Variants in ITGBL1 observed in about 807,000 individuals in gnomAD.
ITGBL1 encodes integrin subunit beta like 1, also known as integrin beta-like protein 1.
In ITGBL1, 51 loss-of-function variants were observed where a neutral mutation model predicts 68.5. The ratio of observed to expected loss-of-function variants is 0.74; its 90% confidence interval spans 0.59 to 0.94. The LOEUF (loss-of-function observed/expected upper bound fraction) is 0.94, where lower values mean the gene tolerates loss of function less well. Ranked by LOEUF, ITGBL1 falls within the 40% of genes least tolerant of loss-of-function variation. The pLI, the probability that ITGBL1 is intolerant of heterozygous loss-of-function variation, is 0.00. For missense variants in ITGBL1, 649 were observed against 647.4 expected, an observed-to-expected ratio of 1.00 and a Z score of -0.03; for synonymous variants, 209 against 227.3, an observed-to-expected ratio of 0.92 and a Z score of 0.72.
At chr13:101,649,322 A>G (rs1375678437) in intron 7 of ITGBL1, among the ~76,000 whole-genome samples, 1 of 152,172 alleles carries the variant, frequency 6.6e-6, no homozygotes, top group Non-Finnish European at 1.5e-5. Context: ...AGGAAGTACA[A>G]TAAAGTCCTG....
At chr13:101,664,021 C>T (rs560747451) in intron 7 of ITGBL1, among the ~76,000 whole-genome samples, 46 of 152,240 alleles carry the variant, frequency 3.0e-4, no homozygotes, top group Non-Finnish European at 3.4e-4. Flanking sequence ...ATATAAAGTA[C>T]ATGCAGATTG....
intron 2 of ITGBL1, among the ~76,000 whole-genome samples, chr13:101,456,836 A>G (rs1438498066): frequency 6.6e-6 from 1 of 151,924 alleles, no homozygotes. Flanking sequence ...AATCGCTTGA[A>G]CCCGGCAGGC....
chr13:101,467,353 GA>G (rs760951271), intron 2 of ITGBL1, among the ~76,000 whole-genome samples: 2 of 152,196 alleles, frequency 1.3e-5, no homozygotes, highest in Non-Finnish European at 2.9e-5. Flanking sequence ...TCACATCTAA[GA>G]AGGTGGAAAA....
intron 7 of ITGBL1, among the ~76,000 whole-genome samples, chr13:101,691,491 A>G (rs1366432322): frequency 6.6e-6 from 1 of 151,748 alleles, no homozygotes; most frequent in Non-Finnish European, 1.5e-5. Context: ...GACTAACAAC[A>G]TTGCAAGGTC....
intron 2 of ITGBL1, among the ~76,000 whole-genome samples, chr13:101,507,585 T>C (rs2049046683): frequency 6.6e-6 from 1 of 152,150 alleles, no homozygotes; most frequent in African/African-American, 2.4e-5. Context: ...AACTTAATTC[T>C]TTTATGTAGT....
At chr13:101,508,144 TA>T (rs2049055620) in intron 2 of ITGBL1, among the ~76,000 whole-genome samples, 1 of 152,186 alleles carries the variant, frequency 6.6e-6, no homozygotes, top group African/African-American at 2.4e-5. Context: ...TGGCAATCTG[TA>T]ATTATTTATT....
At chr13:101,465,816 G>A (rs1167604729) in intron 2 of ITGBL1, among the ~76,000 whole-genome samples, 2 of 152,160 alleles carry the variant, frequency 1.3e-5, no homozygotes, top group Admixed American at 1.3e-4. Flanking sequence ...GTAAATATAT[G>A]TTCAGTGAAT....
intron 2 of ITGBL1, among the ~76,000 whole-genome samples, chr13:101,501,490 CAGCTGACACTGA>C (rs2048939773): frequency 6.6e-6 from 1 of 152,156 alleles, no homozygotes; most frequent in Middle Eastern, 3.2e-3. Flanking sequence ...TTCGAGAATG[CAGCTGACACTGA>C]CATCCTCAAC....
At chr13:101,599,383 G>T (rs542216836) in intron 7 of ITGBL1, among the ~76,000 whole-genome samples, 1 of 151,128 alleles carries the variant, frequency 6.6e-6, no homozygotes, top group Non-Finnish European at 1.5e-5. Flanking sequence ...CCATTCTGTA[G>T]GTTGCCTGTT....
chr13:101,464,773 T>TA (rs2139630116), intron 2 of ITGBL1, among the ~76,000 whole-genome samples: 1 of 152,250 alleles, frequency 6.6e-6, no homozygotes, highest in Non-Finnish European at 1.5e-5. Flanking sequence ...AACATACATA[T>TA]ATATGTGTGT....
intron 2 of ITGBL1, among the ~76,000 whole-genome samples, chr13:101,464,746 A>G (rs1166830773): frequency 1.3e-5 from 2 of 152,164 alleles, no homozygotes; most frequent in African/African-American, 4.8e-5. Flanking sequence ...ATATGTGAAT[A>G]TGTAAGTATG....
chr13:101,640,673 C>T (rs1474197802), intron 7 of ITGBL1, among the ~76,000 whole-genome samples: 1 of 152,128 alleles, frequency 6.6e-6, no homozygotes, highest in Non-Finnish European at 1.5e-5. Context: ...AGGTTTGTTA[C>T]ATGGGTACAC....
intron 2 of ITGBL1, among the ~76,000 whole-genome samples, chr13:101,532,616 A>G (rs1276848308): frequency 6.6e-6 from 1 of 152,258 alleles, no homozygotes; most frequent in Non-Finnish European, 1.5e-5. Flanking sequence ...GTAACTGAAC[A>G]AAAGAAATTC....
chr13:101,578,349 G>A (rs1001852603), intron 4 of ITGBL1, among the ~76,000 whole-genome samples: 2 of 152,144 alleles, frequency 1.3e-5, no homozygotes, highest in African/African-American at 4.8e-5. Context: ...TTTAGCCATA[G>A]ACTGATAAAA....
intron 7 of ITGBL1, among the ~76,000 whole-genome samples, chr13:101,688,678 G>T (rs1395081542): frequency 6.6e-6 from 1 of 152,244 alleles, no homozygotes; most frequent in South Asian, 2.1e-4. Flanking sequence ...AGAAGAGTAG[G>T]TTTGTGAATA....
chr13:101,638,253 A>G (rs139184804), intron 7 of ITGBL1, among the ~76,000 whole-genome samples: 1 of 152,310 alleles, frequency 6.6e-6, no homozygotes, highest in East Asian at 1.9e-4. Context: ...CAAAAACATT[A>G]CATCTGTAAT....
chr13:101,463,130 A>G (rs2048339612), intron 2 of ITGBL1, among the ~76,000 whole-genome samples: 3 of 152,320 alleles, frequency 2.0e-5, no homozygotes, highest in East Asian at 3.9e-4. Context: ...CACTGGAGTT[A>G]TTATGCTTAA....
At chr13:101,620,781 G>A (rs544392830) in intron 7 of ITGBL1, among the ~76,000 whole-genome samples, 8 of 152,176 alleles carry the variant, frequency 5.3e-5, no homozygotes, top group African/African-American at 1.9e-4. Context: ...TTTAAAACAC[G>A]TATGTCATCT....
chr13:101,532,125 T>A (rs561546163), intron 2 of ITGBL1, among the ~76,000 whole-genome samples: 1 of 152,266 alleles, frequency 6.6e-6, no homozygotes, highest in African/African-American at 2.4e-5. Context: ...AAAGAACGAA[T>A]TTTTTTCAAG....
Sources: gnomAD v4.1 joint callset for allele counts (sites outside exome capture counted in the v4.1 genomes callset) on GRCh38, gnomAD v4.1.1 for gene constraint, MANE v1.5 for transcripts, NCBI Gene and HGNC (gene_info 2026-07-23, HGNC 2026-07-21) for gene names.